CSMD3: variants seen among roughly 807,000 people sequenced by gnomAD.
The protein encoded by CSMD3 is CUB and sushi domain-containing protein 3.
Under a neutral mutation model 435.2 loss-of-function variants are expected in CSMD3, and 177 were observed. That is an observed-to-expected ratio of 0.41 (90% CI 0.36 to 0.46). CSMD3 has a LOEUF of 0.46. Among genes scored for constraint, CSMD3 ranks in the 20% least tolerant of loss-of-function variants. CSMD3 has a pLI of 0.34. For missense variants in CSMD3, 4,265 were observed against 4,504.6 expected (o/e 0.95, Z 1.52); for synonymous variants, 1,656 against 1,520.5 (o/e 1.09, Z -2.07).
At chr8:112,463,836 T>G (rs1298049177) in intron 32 of CSMD3, among the ~76,000 whole-genome samples, 1 of 152,138 alleles carries the variant, frequency 6.6e-6, no homozygotes, top group African/African-American at 2.4e-5. Context: ...TGATACCCTG[T>G]GCAATACATG....
Position 112,231,639 on chromosome 8 carries a change from A to C in CSMD3, c.10741-7T>G. 1 of 1,548,824 alleles carries C rather than the reference A, an allele frequency of 6.5e-7. No individual in the cohort carries two copies. Among genetic ancestry groups the C allele is most frequent in the South Asian group, 1.1e-5 (1 of 89,788 alleles). ...CATCAGGCTCAGCAGAAACCTAAAAATATTTAAACAGCCAAATATACTTGA... is the reference window on the plus strand; with the variant it reads ...CATCAGGCTCAGCAGAAACCTAAAACTATTTAAACAGCCAAATATACTTGA... On this transcript the variant is annotated splice_polypyrimidine_tract_variant and splice_region_variant and intron_variant, in intron 68 of 70. Transcript: ENST00000297405.
chr8:113,318,010 G>A (rs1400976376), intron 1 of CSMD3, among the ~76,000 whole-genome samples: 1 of 151,876 alleles, frequency 6.6e-6, no homozygotes, highest in Non-Finnish European at 1.5e-5. Context: ...TGGTTATAAC[G>A]GTCTAATGAG....
intron 6 of CSMD3, among the ~76,000 whole-genome samples, chr8:112,992,456 A>G (rs1236001041): frequency 6.6e-6 from 1 of 151,784 alleles, no homozygotes; most frequent in African/African-American, 2.4e-5. Flanking sequence ...AGGGTAGCCT[A>G]GTTCGCCTTG....
chr8:113,013,229 T>C (rs993959178), intron 6 of CSMD3, among the ~76,000 whole-genome samples: 3 of 152,102 alleles, frequency 2.0e-5, no homozygotes, highest in African/African-American at 7.2e-5. Context: ...TGTTTTTCCC[T>C]TGAGAAACGT....
chr8:112,290,380 C>G (rs1819644855), intron 56 of CSMD3, among the ~76,000 whole-genome samples: 2 of 152,026 alleles, frequency 1.3e-5, no homozygotes, highest in South Asian at 4.2e-4. Flanking sequence ...GCTCAGAACA[C>G]CTGAAGAACT....
intron 1 of CSMD3, among the ~76,000 whole-genome samples, chr8:113,415,894 C>T (rs2094579916): frequency 1.3e-5 from 2 of 151,958 alleles, no homozygotes. Flanking sequence ...AATCAGTTTT[C>T]AATATTAATG....
intron 12 of CSMD3, among the ~76,000 whole-genome samples, chr8:112,822,443 G>T (rs539598855): frequency 2.0e-5 from 3 of 151,986 alleles, no homozygotes; most frequent in African/African-American, 7.2e-5. Flanking sequence ...TCATCATTTG[G>T]CTGTCTGCTT....
chr8:112,920,199 A>G (rs1038989937), intron 10 of CSMD3, among the ~76,000 whole-genome samples: 2 of 151,910 alleles, frequency 1.3e-5, no homozygotes, highest in African/African-American at 4.8e-5. Context: ...AAGGTGATGC[A>G]TGTGCTAGCT....
At chr8:112,781,401 C>G (rs1217822832) in intron 13 of CSMD3, among the ~76,000 whole-genome samples, 7 of 152,022 alleles carry the variant, frequency 4.6e-5, no homozygotes, top group African/African-American at 1.2e-4. Context: ...ACCAACTCAG[C>G]TACAGTAAAA....
chr8:113,396,533 T>C (rs1281318693), intron 1 of CSMD3, among the ~76,000 whole-genome samples: 1 of 152,162 alleles, frequency 6.6e-6, no homozygotes, highest in African/African-American at 2.4e-5. Flanking sequence ...CTTTTTGTCA[T>C]CTGAAGTATA....
At chr8:112,683,563 T>C (rs975414285) in intron 15 of CSMD3, among the ~76,000 whole-genome samples, 5 of 152,106 alleles carry the variant, frequency 3.3e-5, no homozygotes, top group South Asian at 2.1e-4. Flanking sequence ...GAATTTTTCA[T>C]AGATTATAGA....
intron 32 of CSMD3, among the ~76,000 whole-genome samples, chr8:112,459,969 C>A (rs1160520812): frequency 2.0e-5 from 3 of 152,142 alleles, no homozygotes; most frequent in Non-Finnish European, 4.4e-5. Flanking sequence ...CATGTGCCAT[C>A]TCATCAGATC....
intron 30 of CSMD3, among the ~76,000 whole-genome samples, chr8:112,493,863 C>A (rs1006334958): frequency 6.6e-6 from 1 of 151,952 alleles, no homozygotes; most frequent in Non-Finnish European, 1.5e-5. Flanking sequence ...AAATGTACAA[C>A]GTAAAGGCCA....
In CSMD3 at chr8:112,542,706, GA is replaced by G. The variant is rs528491548; in HGVS notation, c.4564+7964del. On this transcript the variant is annotated intron_variant, in intron 27 of 70. Transcript: ENST00000297405. The stretch of plus-strand genomic sequence containing the variant: ...AGCCTCTGTTCATGGATTGTAAATA[GA>G]AAAAAAAATTTCTACTATTCACATG... Among the ~76,000 whole-genome samples, 1,018 of 151,248 alleles carry G rather than the reference GA, an allele frequency of 6.7e-3. 12 individuals are homozygous for G. Among genetic ancestry groups the G allele is most frequent in the African/African-American group, 0.023 (964 of 41,314 alleles).
At chr8:113,170,101 T>C (rs939215153) in intron 4 of CSMD3, among the ~76,000 whole-genome samples, 2 of 152,154 alleles carry the variant, frequency 1.3e-5, no homozygotes, top group Non-Finnish European at 2.9e-5. Context: ...GGAGAGACTC[T>C]ACGTAAACTC....
chr8:112,311,140 G>A lies in CSMD3; in HGVS notation c.7723C>T (p.Pro2575Ser), dbSNP rs2130815147. Residue 2575 changes from proline to serine, a missense_variant, in exon 50 of 71, where the codon CCA (proline) becomes TCA (serine). By Grantham distance (74) the Pro-to-Ser change is moderately conservative (BLOSUM62 -1). Coordinates refer to ENST00000297405, the MANE Select transcript of CSMD3 (RefSeq NM_198123.2). ...TGACTGATAATATATCCATGAGGTG[G>A]GGATTCTGGTGTACTACAGTAGAAA... ...IAFYCSTPESPPHGYIISQTG... is the reference protein window; with the variant it reads ...IAFYCSTPESSPHGYIISQTG... 3.1e-6 allele frequency: 5 copies of A among 1,613,896 alleles called. No individual in the cohort carries two copies. The highest frequency in any genetic ancestry group is 4.2e-6 in the Non-Finnish European group (5 of 1,179,930).
chr8:112,588,515 G>A (rs886885659), intron 22 of CSMD3, among the ~76,000 whole-genome samples: 1 of 151,410 alleles, frequency 6.6e-6, no homozygotes, highest in Admixed American at 6.6e-5. Flanking sequence ...TTATTTTAAT[G>A]TTACTTAAGC....
chr8:112,990,724 C>A (rs2131015114), intron 6 of CSMD3, among the ~76,000 whole-genome samples: 1 of 151,782 alleles, frequency 6.6e-6, no homozygotes, highest in Middle Eastern at 3.4e-3. Context: ...AGAAACTTAG[C>A]TTGGAAATAT....
intron 3 of CSMD3, among the ~76,000 whole-genome samples, chr8:113,260,362 A>C (rs1364266356): frequency 6.6e-6 from 1 of 152,158 alleles, no homozygotes; most frequent in Non-Finnish European, 1.5e-5. Flanking sequence ...ATTCATGTTC[A>C]AACCTTCATA....
Sources: allele counts gnomAD v4.1 joint callset (sites outside exome capture counted in the v4.1 genomes callset), GRCh38; gene constraint gnomAD v4.1.1; transcripts MANE v1.5; gene names NCBI Gene and HGNC (gene_info 2026-07-23, HGNC 2026-07-21).